Variants in RIMKLA observed in about 807,000 individuals in gnomAD.
RIMKLA encodes ribosomal modification protein rimK like family member A, also known as N-acetylaspartylglutamate synthase A.
RIMKLA carries 14 observed loss-of-function variants against 32.7 expected under a neutral mutation model. The observed-to-expected ratio is 0.43, with a 90% CI of 0.28 to 0.67. RIMKLA has a LOEUF of 0.67. Among genes scored for constraint, RIMKLA ranks in the 30% least tolerant of loss-of-function variants. RIMKLA has a pLI of 0.18. For missense variants in RIMKLA, 410 were observed against 519.0 expected, an observed-to-expected ratio of 0.79 and a Z score of 2.04; for synonymous variants, 176 against 204.1, an observed-to-expected ratio of 0.86 and a Z score of 1.18.
Position 42,415,029 on chromosome 1 carries a change from T to A in RIMKLA, c.*55T>A. 6.6e-7 allele frequency: 1 copy of A among 1,507,118 alleles called. No homozygotes were observed. The highest frequency in any genetic ancestry group is 8.9e-7 in the Non-Finnish European group (1 of 1,125,348). The allele number at this position is 1,507,118 out of a possible 1,614,324, so 93.4% of individuals were successfully genotyped here. A position where few individuals can be genotyped will look rare whatever the true frequency, so the allele number is the denominator to read the frequency against. ...AATCCTACTGCTTCCCTAGTAGTTT[T>A]GAGTGAATAAAATCTGGACTAATGT... On this transcript the variant is annotated 3_prime_UTR_variant, in exon 5 of 5. Coordinates refer to ENST00000431473, the MANE Select transcript of RIMKLA (RefSeq NM_173642.4).
chr1:42,395,862 T>A (rs1001564802), intron 1 of RIMKLA, among the ~76,000 whole-genome samples: 3 of 152,200 alleles, frequency 2.0e-5, no homozygotes, highest in South Asian at 2.1e-4. Context: ...CATGAGCAGC[T>A]GCTTCTTGTC....
chr1:42,388,468 G>A (rs867772405), intron 1 of RIMKLA, among the ~76,000 whole-genome samples: 1 of 151,320 alleles, frequency 6.6e-6, no homozygotes, highest in African/African-American at 2.4e-5. Context: ...GCCTCCCAAA[G>A]TGCTAGGATT....
intron 1 of RIMKLA, among the ~76,000 whole-genome samples, chr1:42,395,488 C>T (rs1200356674): frequency 6.6e-6 from 1 of 151,940 alleles, no homozygotes. Context: ...TAGGGTGATA[C>T]CCAAGAGCAC....
chr1:42,404,451 G>C (rs1182219128), intron 2 of RIMKLA, 60 bp from the exon 3 acceptor site: 1 of 1,130,290 alleles, frequency 8.8e-7, no homozygotes, highest in East Asian at 2.3e-5. Flanking sequence ...GGGCGGGGCT[G>C]GGGTGACCGC....
rs1031827123 is a variant in RIMKLA, at chr1:42,419,081, T to C, written c.*4107T>C. ...CTCTGAGACTCAAGATCAGGACAGA[T>C]TGTTACTTTAAAATGTTACCTGGAA... is the stretch of plus-strand genomic sequence containing the variant. On this transcript the variant is annotated 3_prime_UTR_variant, in exon 5 of 5. Transcript: ENST00000431473. 5.3e-5 allele frequency: 8 copies of C among 152,238 alleles called. No individual in the cohort carries two copies. The highest frequency in any genetic ancestry group is 2.6e-4 in the Admixed American group (4 of 15,278). The allele number at this position is 152,238 out of a possible 1,614,324, so 9.4% of individuals were successfully genotyped here.
intron 2 of RIMKLA, among the ~76,000 whole-genome samples, chr1:42,403,965 G>A (rs190748078): frequency 6.6e-6 from 1 of 152,186 alleles, no homozygotes; most frequent in African/African-American, 2.4e-5. Context: ...TCCGCTCCCT[G>A]CCACATGGCC....
rs935077043 is a variant in RIMKLA, at chr1:42,391,923, G to A, written c.164-7481G>A. Among the ~76,000 whole-genome samples the A allele has an allele frequency of 2.0e-4, 31 of 152,256 alleles. No homozygotes were observed. The East Asian group carries it at 3.1e-3, about 15-fold the overall frequency. ...TGTCTTGCCAAGCTAAATGAGAGCA[G>A]CTAAATAAATCAGGTCTCTGACTTG... On this transcript the variant is annotated intron_variant, in intron 1 of 4. Coordinates refer to ENST00000431473, the MANE Select transcript of RIMKLA (RefSeq NM_173642.4).
chr1:42,402,689 C>T (rs1643110242), intron 2 of RIMKLA, among the ~76,000 whole-genome samples: 1 of 151,352 alleles, frequency 6.6e-6, no homozygotes, highest in Non-Finnish European at 1.5e-5. Context: ...CTCCTGGGCT[C>T]AACTGATCCT....
At chr1:42,412,108 G>A (rs1643203645) in intron 4 of RIMKLA, among the ~76,000 whole-genome samples, 1 of 152,136 alleles carries the variant, frequency 6.6e-6, no homozygotes, top group Admixed American at 6.5e-5. Context: ...TTTTCTTGGT[G>A]AGCTGTTTTA....
rs939404194 is a variant in RIMKLA, at chr1:42,423,320, G to A, written c.*8346G>A. 3.9e-5 allele frequency among the ~76,000 whole-genome samples: 6 copies of A among 152,080 alleles called. No homozygotes were observed. Among genetic ancestry groups the A allele is most frequent in the South Asian group, 2.1e-4 (1 of 4,826 alleles). On this transcript the variant is annotated 3_prime_UTR_variant, in exon 5 of 5. Transcript: ENST00000431473. ...TTTCTTCTTCTCTTACATGAAAATC[G>A]TCAAACTACACAAAAGTGGAGAGAA...
At chr1:42,409,669 A>G (rs1643180605) in intron 3 of RIMKLA, among the ~76,000 whole-genome samples, 1 of 152,192 alleles carries the variant, frequency 6.6e-6, no homozygotes, top group Admixed American at 6.5e-5. Context: ...ATGCTAATTA[A>G]CTGTTTTGGG....
chr1:42,398,991 AG>A (rs397938897), intron 1 of RIMKLA, among the ~76,000 whole-genome samples: 3 of 134,268 alleles, frequency 2.2e-5, no homozygotes, highest in South Asian at 4.7e-4. Flanking sequence ...AAAAAAAAAA[AG>A]GGCTATATAA....
chr1:42,411,225 C>T (rs929948183), intron 4 of RIMKLA, among the ~76,000 whole-genome samples: 3 of 151,630 alleles, frequency 2.0e-5, no homozygotes, highest in Non-Finnish European at 4.4e-5. Flanking sequence ...CCCAGCTGAA[C>T]TCATGAAGCT....
intron 3 of RIMKLA, among the ~76,000 whole-genome samples, chr1:42,406,689 A>AGTAT (rs60731769): frequency 0.17 from 26,403 of 151,850 alleles, 2,368 homozygotes; most frequent in East Asian, 0.22. Flanking sequence ...TTGTTATGTA[A>AGTAT]GTATGTATGT....
intron 1 of RIMKLA, among the ~76,000 whole-genome samples, chr1:42,383,182 G>A (rs371951753): frequency 1.3e-5 from 2 of 152,122 alleles, no homozygotes; most frequent in East Asian, 1.9e-4. Flanking sequence ...CACCGCGTCC[G>A]GCCTGTTCTT....
intron 4 of RIMKLA, among the ~76,000 whole-genome samples, chr1:42,411,351 GA>G (rs1329815641): frequency 6.8e-6 from 1 of 147,904 alleles, no homozygotes. Context: ...AAAAAAAAAA[GA>G]GAGATAATTA....
Position 42,416,943 on chromosome 1 carries a change from T to C in RIMKLA, c.*1969T>C, listed in dbSNP as rs373878032. On this transcript the variant is annotated 3_prime_UTR_variant, in exon 5 of 5. Coordinates refer to ENST00000431473, the MANE Select transcript of RIMKLA (RefSeq NM_173642.4). ...TGAACTGTAACCCTAGTAATGTGTC[T>C]TGTACAGTTGAAAAATAATACTTCA... The C allele has an allele frequency of 6.6e-6, 1 of 152,224 alleles. No individual in the cohort carries two copies. Among genetic ancestry groups the C allele is most frequent in the East Asian group, 1.9e-4 (1 of 5,196 alleles). 9.4% of individuals were successfully genotyped at this position (152,224 alleles called of 1,614,324 possible). A position where few individuals can be genotyped will look rare whatever the true frequency, so the allele number is the denominator to read the frequency against.
intron 1 of RIMKLA, among the ~76,000 whole-genome samples, chr1:42,390,877 C>T (rs1231642011): frequency 1.3e-5 from 2 of 152,048 alleles, no homozygotes; most frequent in Non-Finnish European, 2.9e-5. Flanking sequence ...TTGTGGTTTA[C>T]ATAAACAATA....
At chr1:42,392,547 C>T (rs1255339886) in intron 1 of RIMKLA, among the ~76,000 whole-genome samples, 1 of 152,168 alleles carries the variant, frequency 6.6e-6, no homozygotes, top group Admixed American at 6.5e-5. Flanking sequence ...GCACCTGCAC[C>T]TGTTAGAGGG....
Sources: allele counts gnomAD v4.1 joint callset (sites outside exome capture counted in the v4.1 genomes callset), GRCh38; gene constraint gnomAD v4.1.1; transcripts MANE v1.5; gene names NCBI Gene and HGNC (gene_info 2026-07-23, HGNC 2026-07-21).